TPRX1: variants seen among roughly 807,000 people sequenced by gnomAD.
TPRX1 encodes tetrapeptide repeat homeobox 1, also known as tetra-peptide repeat homeobox protein 1.
In TPRX1, 2 loss-of-function variants were observed where a neutral mutation model predicts 8.1. The observed-to-expected ratio is 0.25, with a 90% CI of 0.10 to 0.78. The LOEUF (loss-of-function observed/expected upper bound fraction) is 0.78. Ranked by LOEUF, TPRX1 falls within the 30% of genes least tolerant of loss-of-function variation. The pLI is 0.70. For synonymous variants in TPRX1, 257 were observed against 254.1 expected (o/e 1.01, Z -0.11); for missense variants, 517 against 586.9 (o/e 0.88, Z 1.23).
exon 4 of TPRX1, chr19:47,802,312 G>T (rs561000749): frequency 4.0e-6 from 6 of 1,505,550 alleles, no homozygotes; most frequent in Middle Eastern, 1.7e-4. Context: ...CTGGGTTCGG[G>T]CCTGAGATTG....
intron 2 of TPRX1, among the ~76,000 whole-genome samples, chr19:47,815,182 T>A (rs1967828649): frequency 1.3e-5 from 1 of 79,876 alleles, no homozygotes. Flanking sequence ...TTTGAGACAG[T>A]CTTGCTATGT....
At chr19:47,817,549 C>T (rs190863612) in intron 2 of TPRX1, among the ~76,000 whole-genome samples, 15 of 152,136 alleles carry the variant, frequency 9.9e-5, no homozygotes, top group African/African-American at 1.4e-4. Flanking sequence ...CGTCAATTTC[C>T]GAGGTCACAC....
At chr19:47,802,835 G>C in exon 4 of TPRX1, 3 of 1,600,360 alleles carry the variant, frequency 1.9e-6, no homozygotes, top group Non-Finnish European at 2.6e-6. Context: ...GATTCCCGAG[G>C]GGCCCCGCTG....
chr19:47,802,025 G>A (rs1185525263), exon 4 of TPRX1: 1 of 1,610,500 alleles, frequency 6.2e-7, no homozygotes, highest in Non-Finnish European at 8.5e-7. Context: ...GGGGGCTGGG[G>A]CTGGGAGTGA....
intron 2 of TPRX1, among the ~76,000 whole-genome samples, chr19:47,814,244 G>A (rs534909051): frequency 3.9e-5 from 6 of 152,088 alleles, no homozygotes; most frequent in Non-Finnish European, 7.4e-5. Context: ...CAGTAGAGGC[G>A]GGGTTTCACC....
At chr19:47,816,256 C>T (rs1027126476) in intron 2 of TPRX1, among the ~76,000 whole-genome samples, 6 of 151,810 alleles carry the variant, frequency 4.0e-5, no homozygotes, top group East Asian at 3.9e-4. Flanking sequence ...TTAGTAGAGA[C>T]GGGGTTTTGC....
rs1568618686 is a variant in TPRX1 at position 47,818,682 on chromosome 19, A to G, written c.81-144T>C. ...GAGCCTGGAGTGAAACTCATCAACA[A>G]CCTGATCCAAGGATCCTCCAGTATT... On this transcript the variant is annotated intron_variant, in intron 1 of 3. Coordinates refer to ENST00000535759, the Ensembl canonical transcript of TPRX1. 7.8e-6 allele frequency: 3 copies of G among 386,452 alleles called. 1 individual carries two copies. The highest frequency in any genetic ancestry group is 5.7e-5 in the South Asian group (3 of 52,778). 23.9% of individuals were successfully genotyped at this position (386,452 alleles called of 1,614,324 possible). A position where few individuals can be genotyped will look rare whatever the true frequency, so the allele number is the denominator to read the frequency against.
intron 2 of TPRX1, among the ~76,000 whole-genome samples, chr19:47,805,022 T>C (rs983685562): frequency 1.3e-5 from 2 of 152,220 alleles, no homozygotes; most frequent in Non-Finnish European, 2.9e-5. Context: ...CCTTCCTGGA[T>C]GACCTTGCAA....
At chr19:47,802,877 G>A in exon 4 of TPRX1, 8 of 1,590,902 alleles carry the variant, frequency 5.0e-6, no homozygotes, top group Non-Finnish European at 6.8e-6. Context: ...AGGGACTAGG[G>A]GCGCAGCGCG....
intron 2 of TPRX1, among the ~76,000 whole-genome samples, chr19:47,811,875 A>G (rs1967787194): frequency 6.6e-6 from 1 of 151,044 alleles, no homozygotes; most frequent in Non-Finnish European, 1.5e-5. Context: ...TCTTTTATAT[A>G]TATTTTTTGA....
At chr19:47,813,716 C>T (rs1453302141) in intron 2 of TPRX1, among the ~76,000 whole-genome samples, 4 of 151,730 alleles carry the variant, frequency 2.6e-5, no homozygotes, top group Admixed American at 2.6e-4. Context: ...GTCTGACAAG[C>T]AGAAGGAGTT....
intron 2 of TPRX1, among the ~76,000 whole-genome samples, chr19:47,807,879 A>C (rs1423931968): frequency 6.6e-6 from 1 of 151,952 alleles, no homozygotes; most frequent in African/African-American, 2.4e-5. Flanking sequence ...TTTTTTTTGA[A>C]ATTGACTCTG....
At chr19:47,802,891 T>C (rs2123711394) in exon 4 of TPRX1, 1 of 1,577,892 alleles carries the variant, frequency 6.3e-7, no homozygotes, top group Admixed American at 1.8e-5. Context: ...CAGCGCGGGC[T>C]CCTCGGCCTC....
At chr19:47,801,286 C>T (rs578256879) in exon 4 of TPRX1, 1 of 153,096 alleles carries the variant, frequency 6.5e-6, no homozygotes, top group African/African-American at 2.4e-5. Flanking sequence ...TATAAGAATA[C>T]ATTCAAATAA....
chr19:47,803,052 G>C lies in TPRX1; in HGVS notation c.322-72C>G, dbSNP rs112877068. 1.6e-3 allele frequency: 2,322 copies of C among 1,459,542 alleles called. 35 individuals carry two copies. The African/African-American group carries it at 0.028, about 18-fold the overall frequency. The allele number at this position is 1,459,542 out of a possible 1,614,324, so 90.4% of individuals were successfully genotyped here. On this transcript the variant is annotated intron_variant, in intron 3 of 3. Coordinates refer to ENST00000535759, the Ensembl canonical transcript of TPRX1. ...GCGGCCCAGTGAGCCTTTTGGGGTCGGGGCCAGCCTGAAGCCTCTCCCTGT... is the reference window on the plus strand; with the variant it reads ...GCGGCCCAGTGAGCCTTTTGGGGTCCGGGCCAGCCTGAAGCCTCTCCCTGT...
chr19:47,802,009 C>T lies in TPRX1; in HGVS notation c.1293G>A (p.Trp431Ter), dbSNP rs1967668837. 6.2e-7 allele frequency: 1 copy of T among 1,612,682 alleles called. No individual in the cohort carries two copies. The highest frequency in any genetic ancestry group is 8.5e-7 in the Non-Finnish European group (1 of 1,179,282). ...AGTCGGAGGCATCGGGGCTCTGAGGCCATAAGGGGGCTGGGGCTGGGAGTG... is the reference window on the plus strand; with the variant it reads ...AGTCGGAGGCATCGGGGCTCTGAGGTCATAAGGGGGCTGGGGCTGGGAGTG... Residue 431 changes from tryptophan (W) to a stop codon, truncating the protein, a stop_gained, in exon 4 of 4, where the codon TGG becomes TGA. Coordinates refer to ENST00000535759, the Ensembl canonical transcript of TPRX1. LOFTEE classifies it low-confidence loss of function (END_TRUNC).
intron 2 of TPRX1, among the ~76,000 whole-genome samples, chr19:47,817,316 G>C (rs1267120520): frequency 1.3e-5 from 2 of 152,194 alleles, no homozygotes; most frequent in Non-Finnish European, 2.9e-5. Flanking sequence ...GCGGCTTCTG[G>C]TATCATCCCC....
In TPRX1 at chr19:47,807,889, G is replaced by A. The variant is rs781463574; in HGVS notation, c.152-4216C>T. On this transcript the variant is annotated intron_variant, in intron 2 of 3. Transcript: ENST00000535759. ...GAGGTTTTTTTTTGAAATTGACTCT[G>A]TGACATCTATTAAAGGATGAAATGT... is the stretch of plus-strand genomic sequence containing the variant. Among the ~76,000 whole-genome samples the A allele has an allele frequency of 3.0e-4, 46 of 151,922 alleles. 1 individual carries two copies. Among genetic ancestry groups the A allele is most frequent in the Non-Finnish European group, 1.0e-4 (7 of 67,988 alleles).
chr19:47,804,937 C>T (rs369477143), intron 2 of TPRX1, among the ~76,000 whole-genome samples: 182 of 152,322 alleles, frequency 1.2e-3, no homozygotes, highest in African/African-American at 4.2e-3. Context: ...GCTGGGGCCC[C>T]GAGTGACCAA....
Sources: allele counts gnomAD v4.1 joint callset (sites outside exome capture counted in the v4.1 genomes callset), GRCh38; gene constraint gnomAD v4.1.1; transcripts MANE v1.5; gene names NCBI Gene and HGNC (gene_info 2026-07-23, HGNC 2026-07-21).